The following RPS6KA2 variants were observed in gnomAD, a reference collection of about 807,000 sequenced individuals.
The protein encoded by RPS6KA2 is ribosomal protein S6 kinase alpha-2.
A neutral mutation model predicts 91.8 loss-of-function variants in RPS6KA2; 42 were observed. The observed-to-expected ratio is 0.46, with a 90% CI of 0.36 to 0.59. The LOEUF is 0.59. Among genes scored for constraint, RPS6KA2 ranks in the 20% least tolerant of loss-of-function variants. The pLI is 0.00. For synonymous variants in RPS6KA2, 414 were observed against 393.6 expected (o/e 1.05, Z -0.61); for missense variants, 798 against 978.5 (o/e 0.82, Z 2.46).
intron 2 of RPS6KA2, among the ~76,000 whole-genome samples, chr6:166,781,365 AC>A (rs1241851801): frequency 6.6e-6 from 1 of 152,140 alleles, no homozygotes; most frequent in East Asian, 1.9e-4. Context: ...CTGTCCTCAC[AC>A]CCCCTGGCGT....
intron 3 of RPS6KA2, among the ~76,000 whole-genome samples, chr6:166,512,852 C>A (rs1429905277): frequency 2.0e-5 from 3 of 152,160 alleles, no homozygotes; most frequent in Non-Finnish European, 4.4e-5. Flanking sequence ...GCAGTGACAC[C>A]TTTATTATAT....
intron 2 of RPS6KA2, among the ~76,000 whole-genome samples, chr6:166,697,371 G>A (rs893841224): frequency 2.0e-5 from 3 of 152,238 alleles, no homozygotes; most frequent in Non-Finnish European, 4.4e-5. Context: ...CCACCTGGCT[G>A]GAGATGGAGA....
At position 166,586,575 on chromosome 6, in the gene RPS6KA2, G is replaced by A. The variant is rs1190411445; in HGVS notation, c.99+40346C>T. 35 of 1,171,368 alleles carry A rather than the reference G, an allele frequency of 3.0e-5. 3 individuals are homozygous for A. The highest frequency in any genetic ancestry group is 1.8e-4 in the South Asian group (12 of 67,784). 72.6% of individuals were successfully genotyped at this position (1,171,368 alleles called of 1,614,324 possible). ...GTCTATCCAGCTCAGGCCGAACCCC[G>A]CCGGCGAGACACTGAGAAGCCCAGG... On this transcript the variant is annotated intron_variant, in intron 1 of 20. Coordinates refer to ENST00000265678, the MANE Select transcript of RPS6KA2 (RefSeq NM_021135.6).
chr6:166,623,700 G>A (rs1786729550), intron 1 of RPS6KA2, among the ~76,000 whole-genome samples: 1 of 152,184 alleles, frequency 6.6e-6, no homozygotes, highest in South Asian at 2.1e-4. Flanking sequence ...TGAAAGCAGA[G>A]CTCTCTTGGG....
intron 2 of RPS6KA2, among the ~76,000 whole-genome samples, chr6:166,780,277 G>A (rs1047727405): frequency 6.6e-6 from 1 of 152,202 alleles, no homozygotes; most frequent in African/African-American, 2.4e-5. Flanking sequence ...CAGTCACCTC[G>A]GAGTATGTGG....
In RPS6KA2 at chr6:166,641,719, C is replaced by CAAAAAAAAAAAAAAAAAAAA. The variant is rs71032871; in HGVS notation, c.124-102955_124-102936dup. On this transcript the variant is annotated intron_variant, in intron 2 of 21. Transcript: ENST00000503859. ...TGGGTAAAAGAGTGAGACTCTGTCACAAAAAAAAAAAAAAAAAAAAAAAAA... is the reference window on the plus strand; with the variant it reads ...TGGGTAAAAGAGTGAGACTCTGTCACAAAAAAAAAAAAAAAAAAAAAAAAAAAAAAAAAAAAAAAAAAAAA... Among the ~76,000 whole-genome samples, 15 of 28,548 alleles carry CAAAAAAAAAAAAAAAAAAAA rather than the reference C, an allele frequency of 5.3e-4. 3 individuals are homozygous for CAAAAAAAAAAAAAAAAAAAA. The highest frequency in any genetic ancestry group is 1.8e-3 in the East Asian group (1 of 560). 18.7% of individuals were successfully genotyped at this position (28,548 alleles called of 152,430 possible).
At chr6:166,839,282 T>C (rs1185875043) in intron 2 of RPS6KA2, among the ~76,000 whole-genome samples, 1 of 152,148 alleles carries the variant, frequency 6.6e-6, no homozygotes, top group Non-Finnish European at 1.5e-5. Context: ...CATTGTTCCG[T>C]GAATTCATGG....
rs746190111 is a variant in RPS6KA2 at position 166,423,278 on chromosome 6, G to A, written c.1721C>T (p.Thr574Met). The change falls in exon 17 of 21, where the codon ACG becomes ATG. Residue 574 changes from threonine to methionine, a missense_variant. Transcript: ENST00000265678. This position sits in a 1 kb window ranked among gnomAD's most constrained non-coding sequence, Gnocchi z 4.8. The stretch of plus-strand genomic sequence containing the variant: ...CACCTCCGGGGCCACGAAATTGGCC[G>A]TGTAGCAGGGTGTCATGAGCAGCCC... Reference protein sequence around the residue: ...GNGLLMTPCYTANFVAPEVLK... With the variant: ...GNGLLMTPCYMANFVAPEVLK... 8.7e-6 allele frequency: 14 copies of A among 1,613,176 alleles called. No individual in the cohort carries two copies. In the Admixed American group the frequency reaches 1.7e-4, roughly 19 times the overall value.
At chr6:166,476,428 G>A (rs1173707166) in intron 10 of RPS6KA2, among the ~76,000 whole-genome samples, 1 of 152,204 alleles carries the variant, frequency 6.6e-6, no homozygotes, top group Non-Finnish European at 1.5e-5. Flanking sequence ...ACTGTGGTCC[G>A]CTGGGCATTA....
At chr6:166,455,046 A>G (rs1245015527) in intron 12 of RPS6KA2, among the ~76,000 whole-genome samples, 1 of 151,986 alleles carries the variant, frequency 6.6e-6, no homozygotes, top group African/African-American at 2.4e-5. Context: ...GACTCCCTGT[A>G]TGTATAGTTG....
At chr6:166,708,468 A>C (rs926446195) in intron 2 of RPS6KA2, among the ~76,000 whole-genome samples, 5 of 152,264 alleles carry the variant, frequency 3.3e-5, no homozygotes, top group African/African-American at 1.2e-4. Context: ...GCCACACCAA[A>C]GAAACTGCTT....
intron 14 of RPS6KA2, among the ~76,000 whole-genome samples, chr6:166,436,315 G>GGA (rs1054224904): frequency 2.7e-5 from 2 of 73,848 alleles, no homozygotes; most frequent in African/African-American, 7.6e-5. Flanking sequence ...TAAAGCCCCA[G>GGA]AAAAAAAAAA....
Position 166,731,216 on chromosome 6 carries a change from T to C in RPS6KA2, c.123+126984A>G, listed in dbSNP as rs536098977. On this transcript the variant is annotated intron_variant, in intron 2 of 21. Coordinates refer to the RPS6KA2 transcript ENST00000503859. ...GAGATTGCGCCATTGCACTCCAGTC[T>C]GGGCAACAAGAGCAAAACTCCGTCT... Among the ~76,000 whole-genome samples, 106 of 151,966 alleles carry C rather than the reference T, an allele frequency of 7.0e-4. 1 individual carries two copies. Among genetic ancestry groups the C allele is most frequent in the Middle Eastern group, 3.4e-3 (1 of 294 alleles).
chr6:166,680,456 G>C (rs948392533), intron 2 of RPS6KA2, among the ~76,000 whole-genome samples: 3 of 152,142 alleles, frequency 2.0e-5, no homozygotes, highest in African/African-American at 7.2e-5. Context: ...CCCCTTCCAC[G>C]TTGTGGAAGG....
At chr6:166,811,461 CA>C (rs1013492355) in intron 2 of RPS6KA2, among the ~76,000 whole-genome samples, 1 of 152,122 alleles carries the variant, frequency 6.6e-6, no homozygotes, top group African/African-American at 2.4e-5. Flanking sequence ...TCCATCTCTA[CA>C]AAAAACTATA....
Position 166,762,728 on chromosome 6 carries a change from C to CCTTCA in RPS6KA2, c.123+95471_123+95472insTGAAG, listed in dbSNP as rs1245401764. ...TAGCACCTTCCCATCCTGTCCACTCCCAGGAAACGACCTTCACTTCTGCCC... is the reference window on the plus strand; with the variant it reads ...TAGCACCTTCCCATCCTGTCCACTCCCTTCACAGGAAACGACCTTCACTTCTGCCC... On this transcript the variant is annotated intron_variant, in intron 2 of 21. Coordinates refer to the RPS6KA2 transcript ENST00000503859. 3.3e-4 allele frequency among the ~76,000 whole-genome samples: 50 copies of CCTTCA among 152,262 alleles called. No individual in the cohort carries two copies. The East Asian group carries it at 8.1e-3, about 25-fold the overall frequency.
chr6:166,757,476 A>AT (rs1778048158), intron 2 of RPS6KA2: 1 of 455,430 alleles, frequency 2.2e-6, no homozygotes, highest in South Asian at 1.6e-5. Context: ...AGCAGTAAAT[A>AT]AAAACTGCCA....
intron 16 of RPS6KA2, among the ~76,000 whole-genome samples, chr6:166,424,458 A>ATT (rs140273746): frequency 0.1 from 15,807 of 152,224 alleles, 2,616 homozygotes; most frequent in African/African-American, 0.35. Flanking sequence ...CTAAGACAGT[A>ATT]TTTCCTGCTT....
At position 166,418,913 on chromosome 6, in the gene RPS6KA2, C is replaced by T. The variant is rs1778631079; in HGVS notation, c.1821-571G>A. ...AAAGGAAGGACACGTGTGCTGCCAG[C>T]GCTTCCTCTAGTGGGAAAGTGTGTG... is the stretch of plus-strand genomic sequence containing the variant. On this transcript the variant is annotated intron_variant, in intron 18 of 20. Transcript: ENST00000265678. This position sits in a 1 kb window ranked among gnomAD's most constrained non-coding sequence, Gnocchi z 4.9. Among the ~76,000 whole-genome samples the T allele has an allele frequency of 6.6e-6, 1 of 152,198 alleles. No homozygotes were observed. Among genetic ancestry groups the T allele is most frequent in the Non-Finnish European group, 1.5e-5 (1 of 68,040 alleles).
Sources: gnomAD v4.1 joint callset for allele counts (sites outside exome capture counted in the v4.1 genomes callset) on GRCh38, gnomAD v4.1.1 for gene constraint, Gnocchi (gnomAD v3.1) non-coding constraint, MANE v1.5 for transcripts, NCBI Gene and HGNC (gene_info 2026-07-23, HGNC 2026-07-21) for gene names.